The following ARHGAP6 variants were observed in gnomAD, a reference collection of about 807,000 sequenced individuals.
The protein encoded by ARHGAP6 is Rho GTPase activating protein 6.
Under a neutral mutation model 55.7 loss-of-function variants are expected in ARHGAP6, and 16 were observed. The observed-to-expected ratio is 0.29, with a 90% CI of 0.19 to 0.44. The LOEUF (loss-of-function observed/expected upper bound fraction) is 0.44. ARHGAP6 is among the 20% of genes least tolerant of loss of function. The pLI, the probability that ARHGAP6 is intolerant of heterozygous loss-of-function variation, is 1.00. For missense variants in ARHGAP6, 698 were observed against 808.9 expected (o/e 0.86, Z 1.66); for synonymous variants, 382 against 360.9 (o/e 1.06, Z -0.66).
intron 1 of ARHGAP6, among the ~76,000 whole-genome samples, chrX:11,406,030 A>G (rs2049604835): frequency 9.0e-6 from 1 of 110,960 alleles, no homozygotes; most frequent in Admixed American, 9.6e-5. Context: ...CAGCTTCCTG[A>G]GTAGCTGGGA....
intron 2 of ARHGAP6, among the ~76,000 whole-genome samples, chrX:11,222,568 A>G (rs1281412194): frequency 1.8e-5 from 2 of 112,286 alleles, no homozygotes; most frequent in Non-Finnish European, 3.8e-5. Flanking sequence ...GTGGATAAAA[A>G]TGTCATATAA....
At chrX:11,272,580 C>T (rs1377778160) in intron 1 of ARHGAP6, among the ~76,000 whole-genome samples, 6 of 110,173 alleles carry the variant, frequency 5.4e-5, no homozygotes, top group Admixed American at 9.7e-5. Flanking sequence ...AGATTTCTCC[C>T]ACACCGAGAG....
intron 1 of ARHGAP6, among the ~76,000 whole-genome samples, chrX:11,652,807 G>A (rs1450780878): frequency 9.0e-6 from 1 of 111,477 alleles, no homozygotes; most frequent in African/African-American, 3.3e-5. Flanking sequence ...ATAGACTGGG[G>A]GTGTCATAGA....
chrX:11,340,530 C>A (rs1199513718), intron 1 of ARHGAP6, among the ~76,000 whole-genome samples: 1 of 110,874 alleles, frequency 9.0e-6, no homozygotes, highest in Non-Finnish European at 1.9e-5. Context: ...GAGATGGAGA[C>A]CATCCTGGCT....
intron 1 of ARHGAP6, among the ~76,000 whole-genome samples, chrX:11,475,560 TACACACACACACAC>T (rs199969639): frequency 3.1e-5 from 3 of 95,902 alleles, no homozygotes; most frequent in South Asian, 5.0e-4. Flanking sequence ...TTAAAGAAAC[TACACACACACACAC>T]ACACACACAC....
chrX:11,549,103 T>C (rs1171054836), intron 1 of ARHGAP6, among the ~76,000 whole-genome samples: 1 of 112,234 alleles, frequency 8.9e-6, no homozygotes, highest in African/African-American at 3.2e-5. Context: ...TAAACTAATA[T>C]ATCTTCTTTC....
chrX:11,200,628 C>G (rs1299185375), intron 2 of ARHGAP6, among the ~76,000 whole-genome samples: 2 of 112,350 alleles, frequency 1.8e-5, no homozygotes, highest in Non-Finnish European at 3.8e-5. Flanking sequence ...AGGCTTCTTT[C>G]TCTAGTTAGA....
chrX:11,363,631 A>G (rs1043158138), intron 1 of ARHGAP6, among the ~76,000 whole-genome samples: 6 of 112,219 alleles, frequency 5.3e-5, no homozygotes, highest in African/African-American at 1.9e-4. Flanking sequence ...GCTAGGTGTC[A>G]TCTCCCAGCT....
intron 1 of ARHGAP6, among the ~76,000 whole-genome samples, chrX:11,628,198 T>C (rs1437473222): frequency 8.9e-6 from 1 of 112,452 alleles, no homozygotes; most frequent in Non-Finnish European, 1.9e-5. Flanking sequence ...CAAAATGTAC[T>C]AGATAGATCT....
chrX:11,389,230 A>G (rs1423624366), intron 1 of ARHGAP6, among the ~76,000 whole-genome samples: 1 of 112,218 alleles, frequency 8.9e-6, no homozygotes, highest in Non-Finnish European at 1.9e-5. Context: ...ATCCTGCTCT[A>G]GATAGTAAGG....
Position 11,296,304 on chromosome X carries a change from C to T in ARHGAP6, c.589-41597G>A, listed in dbSNP as rs189693213. On this transcript the variant is annotated intron_variant, in intron 1 of 12. Transcript: ENST00000337414. ...GACCACCTCCTGATCTACAAGGGAACATTCGTGAGACAATTCTCTCCTTGT... is the reference window on the plus strand; with the variant it reads ...GACCACCTCCTGATCTACAAGGGAATATTCGTGAGACAATTCTCTCCTTGT... 1.1e-3 allele frequency among the ~76,000 whole-genome samples: 128 copies of T among 112,270 alleles called. 1 individual carries two copies. The highest frequency in any genetic ancestry group is 3.9e-3 in the African/African-American group (121 of 30,902).
chrX:11,207,826 A>G (rs979949064), intron 2 of ARHGAP6, among the ~76,000 whole-genome samples: 6 of 111,568 alleles, frequency 5.4e-5, no homozygotes, highest in African/African-American at 2.0e-4. Flanking sequence ...AAATATTCCT[A>G]TTGTCTCCCC....
intron 2 of ARHGAP6, among the ~76,000 whole-genome samples, chrX:11,241,156 G>A (rs992827051): frequency 5.5e-5 from 6 of 109,613 alleles, no homozygotes; most frequent in African/African-American, 2.0e-4. Flanking sequence ...ACAAAAGAGA[G>A]AAGACTGCTT....
chrX:11,392,937 C>A (rs749716513), intron 1 of ARHGAP6, among the ~76,000 whole-genome samples: 1 of 111,670 alleles, frequency 9.0e-6, no homozygotes, highest in African/African-American at 3.3e-5. Context: ...TTTGTCCCAA[C>A]CCTACACCCT....
rs181777452 is a variant in ARHGAP6 at position 11,150,582 on chromosome X, A to T, written c.1907+5947T>A. ...TTTATTTCAGGTTAATTTAGTTAGA[A>T]CTTATTTAAGATTGTCACTTGGTCA... On this transcript the variant is annotated intron_variant, in intron 10 of 12. Transcript: ENST00000337414. 1.2e-4 allele frequency among the ~76,000 whole-genome samples: 14 copies of T among 112,512 alleles called. No individual in the cohort carries two copies. The East Asian group carries it at 3.9e-3, about 31-fold the overall frequency.
intron 1 of ARHGAP6, among the ~76,000 whole-genome samples, chrX:11,421,484 A>G (rs975710419): frequency 5.4e-5 from 6 of 111,766 alleles, no homozygotes; most frequent in Non-Finnish European, 9.4e-5. Flanking sequence ...GGTCGATTTT[A>G]CCTAGAATAT....
intron 1 of ARHGAP6, among the ~76,000 whole-genome samples, chrX:11,450,734 G>A (rs890522117): frequency 1.8e-5 from 2 of 111,931 alleles, no homozygotes; most frequent in African/African-American, 6.5e-5. Flanking sequence ...ACTATGAACC[G>A]GTGTGGGCAG....
At chrX:11,581,624 T>C (rs1323950567) in intron 1 of ARHGAP6, among the ~76,000 whole-genome samples, 1 of 111,516 alleles carries the variant, frequency 9.0e-6, no homozygotes, top group African/African-American at 3.3e-5. Flanking sequence ...ACAACATGGA[T>C]AAACCTTGAA....
intron 1 of ARHGAP6, among the ~76,000 whole-genome samples, chrX:11,361,191 G>A (rs1324828818): frequency 0.018 from 1,918 of 106,796 alleles, 25 homozygotes; most frequent in Middle Eastern, 0.057. Flanking sequence ...AGCCCGCATC[G>A]CCAAGTCAAT....
Sources: gnomAD v4.1 joint callset for allele counts (sites outside exome capture counted in the v4.1 genomes callset) on GRCh38, gnomAD v4.1.1 for gene constraint, MANE v1.5 for transcripts, NCBI Gene and HGNC (gene_info 2026-07-23, HGNC 2026-07-21) for gene names.